Variants in EDA observed in about 807,000 individuals in gnomAD.
EDA encodes the protein ectodysplasin A, also known as ectodysplasin-A.
In EDA, 2 loss-of-function variants were observed where a neutral mutation model predicts 23.6. The ratio of observed to expected loss-of-function variants is 0.08; its 90% CI spans 0.03 to 0.27. The LOEUF (loss-of-function observed/expected upper bound fraction) is 0.27. Ranked by LOEUF, EDA falls within the 10% of genes least tolerant of loss-of-function variation. The pLI is 1.00. For missense variants in EDA, 229 were observed against 324.2 expected (o/e 0.71, Z 2.26); for synonymous variants, 131 against 132.0 (o/e 0.99, Z 0.05).
intron 2 of EDA, among the ~76,000 whole-genome samples, chrX:70,007,791 T>C (rs5980677): frequency 0.33 from 36,391 of 110,565 alleles, 5,098 homozygotes; most frequent in African/African-American, 0.54. Flanking sequence ...ATCTTTATTT[T>C]CTTTCATTGA....
intron 1 of EDA, among the ~76,000 whole-genome samples, chrX:69,942,759 G>C (rs1299672984): frequency 9.0e-6 from 1 of 111,223 alleles, no homozygotes; most frequent in African/African-American, 3.3e-5. Context: ...GATGTTCTCT[G>C]TTATCCCTTT....
At chrX:69,752,861 T>C (rs1422889118) in intron 1 of EDA, among the ~76,000 whole-genome samples, 1 of 112,114 alleles carries the variant, frequency 8.9e-6, no homozygotes, top group Admixed American at 9.4e-5. Context: ...AGTTTATTTG[T>C]GTAGAGGTGT....
intron 1 of EDA, among the ~76,000 whole-genome samples, chrX:69,682,282 G>T (rs1934387481): frequency 8.9e-6 from 1 of 112,478 alleles, no homozygotes; most frequent in South Asian, 3.6e-4. Context: ...TTGTTTGTCT[G>T]TGCCCTGCCC....
intron 2 of EDA, among the ~76,000 whole-genome samples, chrX:69,975,005 C>T (rs1341102888): frequency 8.9e-6 from 1 of 112,007 alleles, no homozygotes; most frequent in Admixed American, 9.5e-5. Context: ...AACACTTATG[C>T]ACTGTTGGTG....
chrX:70,013,001 C>T (rs185062047), intron 2 of EDA, among the ~76,000 whole-genome samples: 120 of 112,116 alleles, frequency 1.1e-3, no homozygotes, highest in African/African-American at 3.5e-3. Flanking sequence ...CTATCATGGA[C>T]CTCCAGCACA....
At chrX:69,648,903 G>T (rs1051840798) in intron 1 of EDA, among the ~76,000 whole-genome samples, 22 of 111,725 alleles carry the variant, frequency 2.0e-4, no homozygotes, top group African/African-American at 5.2e-4. Context: ...GTCACAAGGT[G>T]ATCTCCTGAT....
At chrX:69,947,668 C>T (rs1224330637) in intron 1 of EDA, among the ~76,000 whole-genome samples, 1 of 112,156 alleles carries the variant, frequency 8.9e-6, no homozygotes, top group Non-Finnish European at 1.9e-5. Flanking sequence ...CTTCCAGAAT[C>T]TCAGTAGTAG....
chrX:69,803,820 C>T (rs915301282), intron 1 of EDA, among the ~76,000 whole-genome samples: 4 of 109,978 alleles, frequency 3.6e-5, no homozygotes, highest in African/African-American at 1.3e-4. Flanking sequence ...CCTTCCCCCT[C>T]CCCTTCCCAG....
At chrX:69,864,849 G>C (rs2017458355) in intron 1 of EDA, among the ~76,000 whole-genome samples, 1 of 110,828 alleles carries the variant, frequency 9.0e-6, no homozygotes, top group African/African-American at 3.3e-5. Flanking sequence ...AAATTAGCCA[G>C]GCATGGTAGT....
chrX:69,865,008 A>C (rs778826020), intron 1 of EDA, among the ~76,000 whole-genome samples: 21 of 110,796 alleles, frequency 1.9e-4, no homozygotes, highest in Non-Finnish European at 3.6e-4. Flanking sequence ...AACATGATAC[A>C]GGATATGAAA....
chrX:69,837,855 C>A (rs2016812592), intron 1 of EDA, among the ~76,000 whole-genome samples: 1 of 112,473 alleles, frequency 8.9e-6, no homozygotes, highest in African/African-American at 3.2e-5. Context: ...CAAATAAGTT[C>A]TCAGGGAGAC....
chrX:69,944,515 C>A (rs889126021), intron 1 of EDA, among the ~76,000 whole-genome samples: 10 of 110,980 alleles, frequency 9.0e-5, no homozygotes, highest in Middle Eastern at 9.3e-3. Context: ...TGCCTGGTAC[C>A]CTATTCTACT....
intron 1 of EDA, chrX:69,860,978 G>C (rs2017372284): frequency 1.9e-6 from 1 of 513,449 alleles, no homozygotes; most frequent in South Asian, 2.5e-5. Flanking sequence ...GCGTCATCTA[G>C]TCAGCCATCT....
chrX:69,859,344 A>G (rs1392656847), intron 1 of EDA, among the ~76,000 whole-genome samples: 1 of 111,257 alleles, frequency 9.0e-6, no homozygotes, highest in East Asian at 2.8e-4. Flanking sequence ...AGATCTTTCT[A>G]ACTTTTTGAT....
At chrX:69,943,234 G>T (rs2018787241) in intron 1 of EDA, among the ~76,000 whole-genome samples, 1 of 111,176 alleles carries the variant, frequency 9.0e-6, no homozygotes, top group South Asian at 3.8e-4. Flanking sequence ...GATGCTTGTG[G>T]ATATTCATCG....
intron 1 of EDA, among the ~76,000 whole-genome samples, chrX:69,652,648 C>T (rs188820134): frequency 7.2e-5 from 8 of 111,695 alleles, no homozygotes; most frequent in Non-Finnish European, 9.4e-5. Flanking sequence ...CTGTGGCCTC[C>T]GTGGAAGTGG....
chrX:69,935,464 C>T (rs113971011), intron 1 of EDA, among the ~76,000 whole-genome samples: 1,812 of 111,444 alleles, frequency 0.016, 43 homozygotes, highest in African/African-American at 0.056. Context: ...TGTTATTGCC[C>T]GTCTTTTTTT....
chrX:69,629,422 G>A (rs1317554520), intron 1 of EDA, among the ~76,000 whole-genome samples: 1 of 112,066 alleles, frequency 8.9e-6, no homozygotes, highest in Non-Finnish European at 1.9e-5. Context: ...TTGATGTGAA[G>A]GTTTTTGAAG....
Position 69,714,656 on chromosome X carries a change from A to G in EDA, c.396+97952A>G, listed in dbSNP as rs1449507537. On this transcript the variant is annotated intron_variant, in intron 1 of 7. Coordinates refer to ENST00000374552, the MANE Select transcript of EDA (RefSeq NM_001399.5). Reference sequence around the variant, plus strand: ...TCCAGCATCATTTGTTGAAAAGGCTATGCTTCCTCCATTGAATTGGGTTTG... The same window carrying G: ...TCCAGCATCATTTGTTGAAAAGGCTGTGCTTCCTCCATTGAATTGGGTTTG... Among the ~76,000 whole-genome samples the G allele has an allele frequency of 4.5e-5, 5 of 111,857 alleles. No homozygotes were observed. In the South Asian group the frequency reaches 1.5e-3, roughly 33 times the overall value.
Sources: gnomAD v4.1 joint callset for allele counts (sites outside exome capture counted in the v4.1 genomes callset) on GRCh38, gnomAD v4.1.1 for gene constraint, MANE v1.5 for transcripts, NCBI Gene and HGNC (gene_info 2026-07-23, HGNC 2026-07-21) for gene names.